The following G3BP2 variants were observed in gnomAD, a reference collection of about 807,000 sequenced individuals.
The protein encoded by G3BP2 is ras GTPase-activating protein-binding protein 2.
In G3BP2, 11 loss-of-function variants were observed where a neutral mutation model predicts 56.7. The observed-to-expected ratio is 0.19, with a 90% CI of 0.12 to 0.32. The LOEUF (loss-of-function observed/expected upper bound fraction) is 0.32, where lower values mean the gene tolerates loss of function less well. G3BP2 is among the 10% of genes least tolerant of loss of function. The probability of loss-of-function intolerance (pLI) is 1.00; values close to 1 mark genes in which losing one functional copy is unlikely to be tolerated. For synonymous variants in G3BP2, 165 were observed against 191.6 expected (o/e 0.86, Z 1.15); for missense variants, 340 against 610.9 (o/e 0.56, Z 4.67).
intron 3 of G3BP2, 72 bp from the exon 4 acceptor site, chr4:75,657,802 C>G (rs1283968310): frequency 1.1e-6 from 1 of 932,560 alleles, no homozygotes; most frequent in Non-Finnish European, 1.6e-6. Flanking sequence ...ATTACCTACC[C>G]TCATTGATTT....
At chr4:75,703,789 A>AT (rs533677493) in intron 3 of G3BP2, among the ~76,000 whole-genome samples, 35 of 152,300 alleles carry the variant, frequency 2.3e-4, no homozygotes, top group African/African-American at 7.7e-4. Flanking sequence ...CCTTTCATTC[A>AT]TAATTTCCTT....
At chr4:75,713,932 G>A (rs1248303063) in intron 3 of G3BP2, among the ~76,000 whole-genome samples, 1 of 152,200 alleles carries the variant, frequency 6.6e-6, no homozygotes, top group Admixed American at 6.6e-5. Context: ...AACCTAAATT[G>A]AGGGGCATTC....
At chr4:75,657,081 A>G in intron 4 of G3BP2, 67 bp from the exon 5 acceptor site, 2 of 687,110 alleles carry the variant, frequency 2.9e-6, no homozygotes, top group Non-Finnish European at 2.5e-6. Flanking sequence ...AGCAAATTAC[A>G]TGGCATACAC....
upstream of G3BP2, among the ~76,000 whole-genome samples, chr4:75,678,382 C>G (rs1477858874): frequency 6.6e-6 from 1 of 151,402 alleles, no homozygotes; most frequent in Non-Finnish European, 1.5e-5. Context: ...GTCTTGATTG[C>G]CTGGCCTCAG....
chr4:75,723,015 C>A (rs2149127239), intron 1 of G3BP2, among the ~76,000 whole-genome samples: 1 of 152,260 alleles, frequency 6.6e-6, no homozygotes, highest in East Asian at 1.9e-4. Flanking sequence ...TCAATGTACA[C>A]CATATACAGT....
chr4:75,690,715 G>C (rs1718820841), intron 3 of G3BP2, among the ~76,000 whole-genome samples: 1 of 152,020 alleles, frequency 6.6e-6, no homozygotes, highest in Admixed American at 6.6e-5. Context: ...GGGACCACAG[G>C]TATGCACCAC....
chr4:75,656,249 C>A (rs973276844), intron 5 of G3BP2, among the ~76,000 whole-genome samples: 1 of 151,812 alleles, frequency 6.6e-6, no homozygotes. Flanking sequence ...GCCCTGGCCT[C>A]CCAAAACACT....
chr4:75,701,056 T>C (rs1203454090), intron 3 of G3BP2, among the ~76,000 whole-genome samples: 1 of 151,988 alleles, frequency 6.6e-6, no homozygotes, highest in Non-Finnish European at 1.5e-5. Context: ...TTGGTCAGGC[T>C]GGTTTCAAAC....
chr4:75,690,846 G>T (rs556659067), intron 3 of G3BP2, among the ~76,000 whole-genome samples: 1 of 152,174 alleles, frequency 6.6e-6, no homozygotes, highest in South Asian at 2.1e-4. Context: ...TTACAGGTGT[G>T]AGCCACCGTA....
chr4:75,686,011 TAC>T (rs1718585850), intron 3 of G3BP2, among the ~76,000 whole-genome samples: 1 of 152,132 alleles, frequency 6.6e-6, no homozygotes, highest in African/African-American at 2.4e-5. Flanking sequence ...CACACACACA[TAC>T]ACACAGAGCA....
intron 3 of G3BP2, among the ~76,000 whole-genome samples, chr4:75,698,527 C>T (rs568352382): frequency 5.3e-5 from 8 of 152,090 alleles, no homozygotes; most frequent in Admixed American, 2.6e-4. Flanking sequence ...TCCCTATCTC[C>T]GCCAACACTA....
At chr4:75,691,686 G>A (rs1718863512) in intron 3 of G3BP2, among the ~76,000 whole-genome samples, 1 of 152,192 alleles carries the variant, frequency 6.6e-6, no homozygotes, top group Non-Finnish European at 1.5e-5. Flanking sequence ...CCCAAACTTG[G>A]TTGCACGTTG....
intron 8 of G3BP2, among the ~76,000 whole-genome samples, chr4:75,651,981 A>T (rs1394624932): frequency 6.6e-6 from 1 of 152,244 alleles, no homozygotes. Flanking sequence ...GTACAAGGAA[A>T]TGAATACTAC....
intron 1 of G3BP2, chr4:75,662,575 T>C (rs1457367134): frequency 6.6e-6 from 1 of 152,254 alleles, no homozygotes; most frequent in African/African-American, 2.4e-5. Context: ...TTAATGCCAC[T>C]ATTAAAAAGC....
At chr4:75,667,639 C>T (rs1733157659) in intron 1 of G3BP2, among the ~76,000 whole-genome samples, 1 of 152,150 alleles carries the variant, frequency 6.6e-6, no homozygotes, top group Non-Finnish European at 1.5e-5. Flanking sequence ...TGCCTACTTC[C>T]CAGCACTTTG....
intron 3 of G3BP2, among the ~76,000 whole-genome samples, chr4:75,692,601 C>T (rs1718909460): frequency 6.6e-6 from 1 of 152,144 alleles, no homozygotes; most frequent in South Asian, 2.1e-4. Context: ...TGAGCCACTG[C>T]ACCCGGCGTC....
At position 75,645,511 on chromosome 4, in the gene G3BP2, T is replaced by C. The variant is rs1355528043; in HGVS notation, c.1368A>G (p.Pro456=). 3 of 1,613,972 alleles carry C rather than the reference T, an allele frequency of 1.9e-6. No individual in the cohort carries two copies. Among genetic ancestry groups the C allele is most frequent in the Non-Finnish European group, 2.5e-6 (3 of 1,180,016 alleles). ...CAAGTTTCTGTGCCATGCCACCCCT[T>C]GGAGGAGGTCCTCTTCCATCACGAT... ...MRDRDGRGPP[P]RGGMAQKLGS... The change falls in exon 12 of 12, where the codon CCA becomes CCG. Residue 456 remains proline (P), a synonymous_variant. Coordinates refer to ENST00000359707, the MANE Select transcript of G3BP2 (RefSeq NM_203505.3).
intron 5 of G3BP2, among the ~76,000 whole-genome samples, chr4:75,656,337 C>G (rs889465551): frequency 2.6e-5 from 4 of 151,844 alleles, no homozygotes; most frequent in African/African-American, 9.7e-5. Flanking sequence ...CTACAATATC[C>G]CCTGTTCTCT....
intron 8 of G3BP2, 36 bp from the exon 9 acceptor site, chr4:75,648,777 A>G: frequency 1.5e-6 from 2 of 1,321,324 alleles, no homozygotes; most frequent in Non-Finnish European, 2.2e-6. Flanking sequence ...TATAAAAAAC[A>G]CTCCACTGGA....
Sources: gnomAD v4.1 joint callset for allele counts (sites outside exome capture counted in the v4.1 genomes callset) on GRCh38, gnomAD v4.1.1 for gene constraint, MANE v1.5 for transcripts, NCBI Gene and HGNC (gene_info 2026-07-23, HGNC 2026-07-21) for gene names.